The following MAF variants were observed in gnomAD, a reference collection of about 807,000 sequenced individuals.
The protein encoded by MAF is MAF bZIP transcription factor.
Under a neutral mutation model 22.0 loss-of-function variants are expected in MAF, and 10 were observed. That is an observed-to-expected ratio of 0.45 (90% CI 0.28 to 0.77). The LOEUF (loss-of-function observed/expected upper bound fraction) is 0.77. MAF is among the 30% of genes least tolerant of loss of function. The pLI is 0.12. For synonymous variants in MAF, 337 were observed against 255.8 expected (o/e 1.32, Z -3.03); for missense variants, 544 against 548.4 (o/e 0.99, Z 0.08).
chr16:79,404,082 G>C, the MAF span, among the ~76,000 whole-genome samples: 1 of 151,260 alleles, frequency 6.6e-6, no homozygotes, highest in Non-Finnish European at 1.5e-5. Context: ...ACCTTGATCT[G>C]TTTCCATTTT....
At chr16:79,413,273 C>G in the MAF span, among the ~76,000 whole-genome samples, 661 of 100,802 alleles carry the variant, frequency 6.6e-3, 1 homozygote, top group Non-Finnish European at 8.9e-3. Context: ...GACGGAGTCT[C>G]GCTCTGTCAC....
At chr16:79,451,853 T>A in the MAF span, among the ~76,000 whole-genome samples, 1 of 152,226 alleles carries the variant, frequency 6.6e-6, no homozygotes, top group African/African-American at 2.4e-5. Context: ...AAGTTTTAAA[T>A]GCTCAGAAGC....
chr16:79,497,088 T>C, the MAF span, among the ~76,000 whole-genome samples: 7,503 of 152,234 alleles, frequency 0.049, 411 homozygotes, highest in African/African-American at 0.13. Flanking sequence ...TCATTTAGTG[T>C]CTCCACCAAA....
At chr16:79,358,670 T>A in the MAF span, among the ~76,000 whole-genome samples, 1 of 152,214 alleles carries the variant, frequency 6.6e-6, no homozygotes, top group East Asian at 1.9e-4. Flanking sequence ...TACAGATACC[T>A]GACATGCAGG....
the MAF span, among the ~76,000 whole-genome samples, chr16:79,297,968 A>G: frequency 3.3e-5 from 5 of 152,222 alleles, no homozygotes; most frequent in African/African-American, 9.6e-5. Context: ...AACCTTCACA[A>G]GTGATCTAAT....
At chr16:79,212,093 C>T in the MAF span, 2 of 1,536,140 alleles carry the variant, frequency 1.3e-6, no homozygotes, top group Non-Finnish European at 1.7e-6. Flanking sequence ...CCTGGAGAAG[C>T]ACCAGCAATT....
the MAF span, among the ~76,000 whole-genome samples, chr16:79,580,367 G>T: frequency 1.1e-4 from 16 of 152,260 alleles, no homozygotes; most frequent in East Asian, 3.1e-3. Flanking sequence ...TAAATAACAC[G>T]GTTCCCCCAA....
At chr16:79,569,003 T>A in the MAF span, among the ~76,000 whole-genome samples, 2 of 152,192 alleles carry the variant, frequency 1.3e-5, no homozygotes, top group Admixed American at 6.5e-5. Flanking sequence ...ATTAGTCAGC[T>A]AGAAGGTTAA....
chr16:79,480,710 G>A, the MAF span, among the ~76,000 whole-genome samples: 41 of 152,340 alleles, frequency 2.7e-4, no homozygotes, highest in Middle Eastern at 3.4e-3. Flanking sequence ...GCCTGGAGGT[G>A]TGGGGTCAGA....
chr16:79,223,047 G>A, the MAF span, among the ~76,000 whole-genome samples: 10 of 151,974 alleles, frequency 6.6e-5, no homozygotes, highest in African/African-American at 9.7e-5. Flanking sequence ...ACTCTCCACC[G>A]CAAATCAACA....
At chr16:79,501,419 T>G in the MAF span, among the ~76,000 whole-genome samples, 1 of 152,192 alleles carries the variant, frequency 6.6e-6, no homozygotes, top group Non-Finnish European at 1.5e-5. Flanking sequence ...TGGGTGGACA[T>G]AAACTCTGGG....
chr16:79,386,276 G>A, the MAF span, among the ~76,000 whole-genome samples: 2 of 152,108 alleles, frequency 1.3e-5, no homozygotes, highest in Non-Finnish European at 1.5e-5. Flanking sequence ...CTCAGTGGGA[G>A]CCTTGAGCTT....
the MAF span, among the ~76,000 whole-genome samples, chr16:79,442,850 A>G: frequency 6.6e-6 from 1 of 152,232 alleles, no homozygotes; most frequent in African/African-American, 2.4e-5. Flanking sequence ...ACCACACCCA[A>G]CAGATCTGGG....
chr16:79,517,057 C>G, the MAF span, among the ~76,000 whole-genome samples: 2 of 152,160 alleles, frequency 1.3e-5, no homozygotes, highest in East Asian at 3.8e-4. Flanking sequence ...CCATAGCACA[C>G]TGCTCTTTTG....
chr16:79,234,359 C>T, the MAF span, among the ~76,000 whole-genome samples: 3 of 152,148 alleles, frequency 2.0e-5, no homozygotes, highest in Non-Finnish European at 4.4e-5. Context: ...ATAATACACA[C>T]GATGATAGAA....
chr16:79,237,425 C>T, the MAF span, among the ~76,000 whole-genome samples: 1 of 152,078 alleles, frequency 6.6e-6, no homozygotes, highest in Non-Finnish European at 1.5e-5. Context: ...TAAATCTCTG[C>T]TGTAATTGGC....
chr16:79,326,942 G>C, the MAF span, among the ~76,000 whole-genome samples: 1 of 152,192 alleles, frequency 6.6e-6, no homozygotes, highest in Non-Finnish European at 1.5e-5. Flanking sequence ...GATGGGATAA[G>C]CTGGATTTTG....
the MAF span, among the ~76,000 whole-genome samples, chr16:79,232,826 G>C: frequency 1.4e-5 from 2 of 148,058 alleles, no homozygotes; most frequent in Non-Finnish European, 3.0e-5. Flanking sequence ...TTATTGTAAA[G>C]ATAAGCCATT....
the MAF span, among the ~76,000 whole-genome samples, chr16:79,438,743 A>C: frequency 6.6e-6 from 1 of 152,126 alleles, no homozygotes; most frequent in Non-Finnish European, 1.5e-5. Context: ...ATCCCTGCCC[A>C]TGTCCCAGAG....
Sources: gnomAD v4.1 joint callset for allele counts (sites outside exome capture counted in the v4.1 genomes callset) on GRCh38, gnomAD v4.1.1 for gene constraint, MANE v1.5 for transcripts, NCBI Gene and HGNC (gene_info 2026-07-23, HGNC 2026-07-21) for gene names.